The following CACUL1 variants were observed in gnomAD, a reference collection of about 807,000 sequenced individuals.
CACUL1 encodes the protein CDK2-associated and cullin domain-containing protein 1.
CACUL1 carries 13 observed loss-of-function variants against 45.2 expected under a neutral mutation model. That is an observed-to-expected ratio of 0.29 (90% confidence interval 0.19 to 0.46). The LOEUF (loss-of-function observed/expected upper bound fraction) is 0.46. Among genes scored for constraint, CACUL1 ranks in the 20% least tolerant of loss-of-function variants. The pLI is 1.00. For synonymous variants in CACUL1, 197 were observed against 174.2 expected, an observed-to-expected ratio of 1.13 and a Z score of -1.03; for missense variants, 421 against 471.4, an observed-to-expected ratio of 0.89 and a Z score of 0.99.
At position 118,691,378 on chromosome 10, in the gene CACUL1, T is replaced by C. The variant is rs754755307; in HGVS notation, c.912A>G (p.Leu304=). The C allele has an allele frequency of 1.4e-5, 22 of 1,613,048 alleles. No homozygotes were observed. The highest frequency in any genetic ancestry group is 6.7e-5 in the Admixed American group (4 of 59,986). ...RPEWVQMAPT[L]FSKFIPNILP... ...GAATGTTTGGAATAAATTTAGAAAATAGAGTTGGAGCCATCTGAACCCACT... is the reference window on the plus strand; with the variant it reads ...GAATGTTTGGAATAAATTTAGAAAACAGAGTTGGAGCCATCTGAACCCACT... The change falls in exon 7 of 9, where the codon CTA becomes CTG. Residue 304 remains leucine, a synonymous_variant. Transcript: ENST00000369151.
In CACUL1 at chr10:118,677,023, A is replaced by G. The variant is rs1186116761; in HGVS notation, c.*9105T>C. Reference sequence around the variant, plus strand: ...ACAACATTTTTTTCTTTTTTAGTTCACAATCTGGAATTTCTCTTGGTGAAT... The same window carrying G: ...ACAACATTTTTTTCTTTTTTAGTTCGCAATCTGGAATTTCTCTTGGTGAAT... On this transcript the variant is annotated 3_prime_UTR_variant, in exon 9 of 9. Transcript: ENST00000369151. The G allele has an allele frequency of 1.3e-5, 2 of 152,098 alleles. No homozygotes were observed. Among genetic ancestry groups the G allele is most frequent in the Non-Finnish European group, 2.9e-5 (2 of 68,020 alleles). The allele number at this position is 152,098 out of a possible 1,614,324, so 9.4% of individuals were successfully genotyped here. A position where few individuals can be genotyped will look rare whatever the true frequency, so the allele number is the denominator to read the frequency against.
chr10:118,690,295 G>A (rs191365275), intron 7 of CACUL1, among the ~76,000 whole-genome samples: 1,560 of 109,356 alleles, frequency 0.014, 18 homozygotes, highest in Middle Eastern at 0.069. Context: ...GCGACAGAGC[G>A]AGACTCCGTC....
chr10:118,713,173 T>C (rs1198067765), intron 3 of CACUL1, among the ~76,000 whole-genome samples: 2 of 152,260 alleles, frequency 1.3e-5, no homozygotes, highest in African/African-American at 4.8e-5. Context: ...CCTCAGCGTG[T>C]GCACAGCTGG....
chr10:118,700,641 C>T (rs1238256936), intron 5 of CACUL1, among the ~76,000 whole-genome samples: 1 of 146,558 alleles, frequency 6.8e-6, no homozygotes, highest in Non-Finnish European at 1.5e-5. Context: ...GGCGTGAACC[C>T]GAGAGGCAGA....
chr10:118,734,668 T>C (rs1011700306), intron 1 of CACUL1, among the ~76,000 whole-genome samples: 8 of 152,348 alleles, frequency 5.3e-5, no homozygotes, highest in Middle Eastern at 6.8e-3. Context: ...AGAATGTGTG[T>C]TGCCCTCTAG....
At chr10:118,695,266 C>CAT (rs752707623) in intron 5 of CACUL1, 36 bp from the exon 6 acceptor site, 1 of 1,124,788 alleles carries the variant, frequency 8.9e-7, no homozygotes, top group East Asian at 2.4e-5. Flanking sequence ...GAATGTAACA[C>CAT]ATATTGACTG....
intron 3 of CACUL1, among the ~76,000 whole-genome samples, chr10:118,708,699 T>C (rs539798449): frequency 1.0e-3 from 155 of 152,184 alleles, no homozygotes; most frequent in African/African-American, 3.4e-3. Context: ...TTAGTGTCCC[T>C]AGATGAAGAA....
intron 5 of CACUL1, among the ~76,000 whole-genome samples, chr10:118,698,948 T>C (rs1845350459): frequency 1.3e-5 from 2 of 152,184 alleles, no homozygotes; most frequent in South Asian, 4.1e-4. Flanking sequence ...GTAAGTAATA[T>C]AAAAATGTGT....
chr10:118,745,285 C>T (rs1210917772), intron 1 of CACUL1, among the ~76,000 whole-genome samples: 1 of 152,092 alleles, frequency 6.6e-6, no homozygotes, highest in Non-Finnish European at 1.5e-5. Context: ...GGGTTGGGCC[C>T]AGTGGCTCAT....
chr10:118,725,955 C>T (rs543404743), intron 3 of CACUL1, among the ~76,000 whole-genome samples: 16 of 152,144 alleles, frequency 1.1e-4, no homozygotes, highest in South Asian at 4.1e-4. Flanking sequence ...ACTATACAAA[C>T]CCACAGCTAT....
chr10:118,703,458 A>C (rs998411427), intron 4 of CACUL1, among the ~76,000 whole-genome samples: 1 of 152,190 alleles, frequency 6.6e-6, no homozygotes, highest in African/African-American at 2.4e-5. Context: ...TCTTTCATAA[A>C]TTATTTAAAT....
chr10:118,708,147 C>CA (rs34008762), intron 3 of CACUL1, among the ~76,000 whole-genome samples: 44,475 of 103,918 alleles, frequency 0.43, 10,277 homozygotes, highest in Non-Finnish European at 0.48. Flanking sequence ...AACACTGTCT[C>CA]AAAAAAAAAA....
Position 118,682,886 on chromosome 10 carries a change from G to C in CACUL1, c.*3242C>G, listed in dbSNP as rs1305521474. ...AAGGGAGGGTAATTGCTGCAAATTT[G>C]TTAAAGGGACAGAAGAAAAAGTAGC... On this transcript the variant is annotated 3_prime_UTR_variant, in exon 9 of 9. Coordinates refer to ENST00000369151, the MANE Select transcript of CACUL1 (RefSeq NM_153810.5). 6.6e-6 allele frequency: 1 copy of C among 152,356 alleles called. No homozygotes were observed. Among genetic ancestry groups the C allele is most frequent in the Non-Finnish European group, 1.5e-5 (1 of 68,038 alleles). The allele number at this position is 152,356 out of a possible 1,614,324, so 9.4% of individuals were successfully genotyped here.
chr10:118,689,703 A>C (rs568224507), intron 7 of CACUL1, among the ~76,000 whole-genome samples: 1 of 151,722 alleles, frequency 6.6e-6, no homozygotes, highest in South Asian at 2.1e-4. Context: ...CTATAAACCA[A>C]GCAGTCCTGC....
In CACUL1 at chr10:118,754,498, T is replaced by C. The variant is rs536108616; in HGVS notation, c.265A>G (p.Met89Val). ...GCCGCGTCGCAGCTCTTCAACATCA[T>C]GATCACCCCATTAGCCTCCGGCGGT... is the stretch of plus-strand genomic sequence containing the variant. ...QPPPEANGVI[M>V]MLKSCDAAAA... The change falls in exon 1 of 9, where the codon ATG becomes GTG. Residue 89 changes from methionine (M) to valine (V), a missense_variant. By Grantham distance (21) the Met-to-Val change is conservative. Transcript: ENST00000369151. 21 of 1,613,114 alleles carry C rather than the reference T, an allele frequency of 1.3e-5. No homozygotes were observed. The African/African-American group carries it at 1.9e-4, about 14-fold the overall frequency.
At chr10:118,705,771 T>C (rs567763332) in intron 4 of CACUL1, among the ~76,000 whole-genome samples, 1 of 152,336 alleles carries the variant, frequency 6.6e-6, no homozygotes, top group East Asian at 1.9e-4. Context: ...CAAAAGAAAC[T>C]TTGCTTATTA....
chr10:118,753,387 C>A (rs1332740947), intron 1 of CACUL1, among the ~76,000 whole-genome samples: 1 of 152,206 alleles, frequency 6.6e-6, no homozygotes, highest in East Asian at 1.9e-4. Context: ...AGTACAGCTT[C>A]ATAAAATTAG....
rs533524244 is a variant in CACUL1 at position 118,721,866 on chromosome 10, C to T, written c.597+7429G>A. On this transcript the variant is annotated intron_variant, in intron 3 of 8. Transcript: ENST00000369151. ...ATATACAATAAATGTATCAACATTA[C>T]TTGGGGAGAAAATGCCTCACAATTG... Among the ~76,000 whole-genome samples, 16 of 152,200 alleles carry T rather than the reference C, an allele frequency of 1.1e-4. 1 individual carries two copies. The East Asian group carries it at 3.1e-3, about 29-fold the overall frequency.
At chr10:118,742,781 G>T (rs1845804730) in intron 1 of CACUL1, among the ~76,000 whole-genome samples, 1 of 152,158 alleles carries the variant, frequency 6.6e-6, no homozygotes, top group South Asian at 2.1e-4. Context: ...ACTAGAATCA[G>T]ATTTCCCAAG....
Sources: gnomAD v4.1 joint callset for allele counts (sites outside exome capture counted in the v4.1 genomes callset) on GRCh38, gnomAD v4.1.1 for gene constraint, MANE v1.5 for transcripts, NCBI Gene and HGNC (gene_info 2026-07-23, HGNC 2026-07-21) for gene names.